Variants in SOX5 observed in about 807,000 individuals in gnomAD.
SOX5 encodes transcription factor SOX-5.
SOX5 carries 9 observed loss-of-function variants against 92.0 expected under a neutral mutation model. That is an observed-to-expected ratio of 0.10 (90% CI 0.06 to 0.17). The LOEUF (loss-of-function observed/expected upper bound fraction) is 0.17. SOX5 is among the 10% of genes least tolerant of loss of function. The probability of loss-of-function intolerance (pLI) is 1.00; values close to 1 mark genes in which losing one functional copy is unlikely to be tolerated. For missense variants in SOX5, 642 were observed against 944.5 expected (o/e 0.68, Z 4.20); for synonymous variants, 344 against 336.3 (o/e 1.02, Z -0.25).
At chr12:23,559,046 T>C (rs1187455033) in intron 11 of SOX5, among the ~76,000 whole-genome samples, 1 of 152,238 alleles carries the variant, frequency 6.6e-6, no homozygotes, top group Non-Finnish European at 1.5e-5. Flanking sequence ...GCTTCTGGTC[T>C]GTTTCTCATT....
chr12:23,787,384 C>G (rs1417479182), intron 3 of SOX5, among the ~76,000 whole-genome samples: 1 of 151,880 alleles, frequency 6.6e-6, no homozygotes, highest in African/African-American at 2.4e-5. Context: ...TCACTTTTTT[C>G]CATTTTCAAT....
chr12:24,140,812 G>A (rs983252280), intron 4 of SOX5, among the ~76,000 whole-genome samples: 3 of 152,038 alleles, frequency 2.0e-5, no homozygotes, highest in Non-Finnish European at 2.9e-5. Flanking sequence ...TAGATATAAC[G>A]ACAAAAACTC....
Position 24,166,327 on chromosome 12 carries a change from T to G in SOX5, c.-2+47016A>C, listed in dbSNP as rs112757672. ...TGTCTGCGAGATATCCAAGTGAAGATGTTCAGCCAGCCAATGAATATACAG... is the reference window on the plus strand; with the variant it reads ...TGTCTGCGAGATATCCAAGTGAAGAGGTTCAGCCAGCCAATGAATATACAG... On this transcript the variant is annotated intron_variant, in intron 4 of 4. Transcript: ENST00000446891. Among the ~76,000 whole-genome samples, 344 of 152,260 alleles carry G rather than the reference T, an allele frequency of 2.3e-3. 2 individuals are homozygous for G. Among genetic ancestry groups the G allele is most frequent in the African/African-American group, 8.0e-3 (333 of 41,554 alleles).
At chr12:24,157,924 G>T (rs942055104) in intron 4 of SOX5, among the ~76,000 whole-genome samples, 14 of 152,034 alleles carry the variant, frequency 9.2e-5, no homozygotes, top group Non-Finnish European at 2.1e-4. Flanking sequence ...AGCCATGAAT[G>T]TTCCAAAATA....
intron 3 of SOX5, among the ~76,000 whole-genome samples, chr12:24,259,218 G>A (rs1046340778): frequency 2.6e-5 from 4 of 152,160 alleles, no homozygotes; most frequent in African/African-American, 9.7e-5. Context: ...GACAGAAAGA[G>A]AGCGAGCGAG....
chr12:23,839,470 A>T (rs1359735548), intron 3 of SOX5, among the ~76,000 whole-genome samples: 1 of 152,140 alleles, frequency 6.6e-6, no homozygotes, highest in Non-Finnish European at 1.5e-5. Context: ...AAAAATTAAC[A>T]TGAGAGGGAA....
intron 6 of SOX5, among the ~76,000 whole-genome samples, chr12:23,696,207 T>G (rs1437431262): frequency 6.6e-6 from 1 of 152,044 alleles, no homozygotes; most frequent in Non-Finnish European, 1.5e-5. Flanking sequence ...ATTGGCATTT[T>G]TTTTTCTTAA....
At chr12:23,762,739 C>G (rs1173589789) in intron 3 of SOX5, 3 of 423,366 alleles carry the variant, frequency 7.1e-6, no homozygotes, top group Non-Finnish European at 1.3e-5. Flanking sequence ...TCAGCTGAAC[C>G]TGCTCAATTA....
chr12:24,281,646 C>G (rs773872710), intron 2 of SOX5, among the ~76,000 whole-genome samples: 104 of 152,098 alleles, frequency 6.8e-4, no homozygotes, highest in Middle Eastern at 3.2e-3. Context: ...AACAGTGAAA[C>G]AAAAGAGCAC....
At chr12:23,567,958 T>G (rs1300201035) in intron 10 of SOX5, among the ~76,000 whole-genome samples, 1 of 152,028 alleles carries the variant, frequency 6.6e-6, no homozygotes, top group Non-Finnish European at 1.5e-5. Flanking sequence ...GGAAAGAAAA[T>G]AAAATACAAA....
chr12:24,256,657 G>C (rs1451081838), intron 3 of SOX5, among the ~76,000 whole-genome samples: 1 of 151,564 alleles, frequency 6.6e-6, no homozygotes, highest in Non-Finnish European at 1.5e-5. Flanking sequence ...AGAGAGAAGA[G>C]GGGCAGGGTG....
chr12:24,147,288 T>C (rs544017846), intron 4 of SOX5, among the ~76,000 whole-genome samples: 4 of 152,324 alleles, frequency 2.6e-5, no homozygotes, highest in Admixed American at 2.0e-4. Context: ...TTTTAAAATT[T>C]GAAAATTGGC....
At chr12:24,107,442 G>T (rs1330003993) in intron 4 of SOX5, among the ~76,000 whole-genome samples, 2 of 152,148 alleles carry the variant, frequency 1.3e-5, no homozygotes, top group Non-Finnish European at 2.9e-5. Flanking sequence ...AGTGGAAGTA[G>T]AAATACTTTT....
chr12:24,042,675 C>T (rs1040700619), intron 4 of SOX5, among the ~76,000 whole-genome samples: 2 of 152,082 alleles, frequency 1.3e-5, no homozygotes, highest in African/African-American at 4.8e-5. Flanking sequence ...CAAAAAATTA[C>T]TTCCTTTTAA....
intron 3 of SOX5, among the ~76,000 whole-genome samples, chr12:24,256,716 C>A (rs1941251587): frequency 1.3e-5 from 2 of 152,070 alleles, no homozygotes; most frequent in African/African-American, 2.4e-5. Context: ...TATAGTTTCT[C>A]CCCTGTCAGC....
intron 13 of SOX5, among the ~76,000 whole-genome samples, chr12:23,540,347 C>G (rs1420296639): frequency 6.9e-6 from 1 of 143,988 alleles, no homozygotes; most frequent in Non-Finnish European, 1.5e-5. Context: ...GGACATGTAC[C>G]CTAAAACTTA....
rs140910232 is a variant in SOX5 at position 24,292,651 on chromosome 12, T to C, written c.-173-15339A>G. On this transcript the variant is annotated intron_variant, in intron 2 of 4. Transcript: ENST00000446891. ...GAGATAAAGAAGATAATCTACAGTC[T>C]GACACAGTTGATAGAATTTTGTTCT... 4.0e-3 allele frequency among the ~76,000 whole-genome samples: 602 copies of C among 152,344 alleles called. 2 individuals carry two copies. Among genetic ancestry groups the C allele is most frequent in the African/African-American group, 0.013 (539 of 41,584 alleles).
At chr12:23,548,075 G>T (rs1332258445) in intron 11 of SOX5, among the ~76,000 whole-genome samples, 1 of 152,002 alleles carries the variant, frequency 6.6e-6, no homozygotes, top group African/African-American at 2.4e-5. Context: ...GGTCAATGAA[G>T]ACTTTACTGT....
At chr12:23,975,059 T>C (rs1358213541) in intron 4 of SOX5, among the ~76,000 whole-genome samples, 5 of 152,274 alleles carry the variant, frequency 3.3e-5, no homozygotes, top group Middle Eastern at 3.4e-3. Flanking sequence ...TTTCGTTTTT[T>C]TCAGTTACAA....
Sources: allele counts gnomAD v4.1 joint callset (sites outside exome capture counted in the v4.1 genomes callset), GRCh38; gene constraint gnomAD v4.1.1; transcripts MANE v1.5; gene names NCBI Gene and HGNC (gene_info 2026-07-23, HGNC 2026-07-21).